Variants in SREK1IP1 observed in about 807,000 individuals in gnomAD.
The protein encoded by SREK1IP1 is protein SREK1IP1.
Under a neutral mutation model 22.8 loss-of-function variants are expected in SREK1IP1, and 12 were observed. The ratio of observed to expected loss-of-function variants is 0.53; its 90% CI spans 0.34 to 0.85. The LOEUF is 0.85. Ranked by LOEUF, SREK1IP1 falls within the 40% of genes least tolerant of loss-of-function variation. The pLI is 0.02. For synonymous variants in SREK1IP1, 53 were observed against 52.7 expected (o/e 1.01, Z -0.02); for missense variants, 147 against 171.8 (o/e 0.86, Z 0.81).
chr5:64,730,796 A>G (rs1017874941), intron 3 of SREK1IP1, among the ~76,000 whole-genome samples: 2 of 152,218 alleles, frequency 1.3e-5, no homozygotes, highest in Non-Finnish European at 2.9e-5. Flanking sequence ...TAGAAACACC[A>G]GTCTGCCTCT....
At chr5:64,741,690 A>C (rs1422100573) in intron 2 of SREK1IP1, among the ~76,000 whole-genome samples, 1 of 152,184 alleles carries the variant, frequency 6.6e-6, no homozygotes, top group Non-Finnish European at 1.5e-5. Flanking sequence ...GTGCTTTACT[A>C]AAGAATACCT....
At chr5:64,752,476 G>T (rs1742766049) in intron 2 of SREK1IP1, among the ~76,000 whole-genome samples, 1 of 151,924 alleles carries the variant, frequency 6.6e-6, no homozygotes, top group Admixed American at 6.5e-5. Context: ...AGTTAATTTT[G>T]CTAAGGAAAT....
At chr5:64,762,424 C>A (rs1742965865) in intron 1 of SREK1IP1, among the ~76,000 whole-genome samples, 1 of 152,086 alleles carries the variant, frequency 6.6e-6, no homozygotes, top group Non-Finnish European at 1.5e-5. Context: ...AAGACAATTT[C>A]AATTACTTCT....
chr5:64,724,975 T>G (rs923676991), intron 4 of SREK1IP1, among the ~76,000 whole-genome samples: 4 of 152,162 alleles, frequency 2.6e-5, no homozygotes, highest in Admixed American at 2.6e-4. Context: ...GTCTCAAAAG[T>G]TGCAATTCTC....
intron 1 of SREK1IP1, 131 bp from the exon 2 acceptor site, chr5:64,754,493 G>T (rs914279285): frequency 1.3e-6 from 1 of 770,642 alleles, no homozygotes. Context: ...GAGACAAGGT[G>T]TCACTCTGTC....
intron 3 of SREK1IP1, among the ~76,000 whole-genome samples, chr5:64,733,687 A>G (rs929091330): frequency 4.6e-5 from 7 of 152,166 alleles, no homozygotes; most frequent in African/African-American, 1.7e-4. Context: ...ACTTACGTTC[A>G]CCCAAATCCT....
At chr5:64,734,254 A>G (rs1336455998) in intron 3 of SREK1IP1, among the ~76,000 whole-genome samples, 1 of 152,108 alleles carries the variant, frequency 6.6e-6, no homozygotes, top group Admixed American at 6.5e-5. Context: ...CTATCTTTAC[A>G]TCGATACTAC....
intron 4 of SREK1IP1, 88 bp downstream of exon 4, chr5:64,728,019 T>G (rs1742304544): frequency 9.6e-7 from 1 of 1,045,064 alleles, no homozygotes; most frequent in African/African-American, 1.8e-5. Context: ...AATATTAAAT[T>G]AACTATTATA....
At chr5:64,768,246 T>C (rs1163901923) in intron 1 of SREK1IP1, among the ~76,000 whole-genome samples, 1 of 152,106 alleles carries the variant, frequency 6.6e-6, no homozygotes, top group African/African-American at 2.4e-5. Flanking sequence ...CTCTCCCTCC[T>C]CCCTCCCTTC....
At chr5:64,757,466 T>C (rs1742862832) in intron 1 of SREK1IP1, among the ~76,000 whole-genome samples, 1 of 152,212 alleles carries the variant, frequency 6.6e-6, no homozygotes, top group South Asian at 2.1e-4. Context: ...ATTGTTCTAA[T>C]GTAATTGATA....
chr5:64,736,758 A>G (rs1446786145), intron 3 of SREK1IP1, among the ~76,000 whole-genome samples: 1 of 152,002 alleles, frequency 6.6e-6, no homozygotes, highest in Non-Finnish European at 1.5e-5. Context: ...CCATCATGCC[A>G]GGCCAACACT....
intron 3 of SREK1IP1, among the ~76,000 whole-genome samples, chr5:64,734,395 T>C (rs748877888): frequency 1.3e-5 from 2 of 152,038 alleles, no homozygotes; most frequent in Non-Finnish European, 2.9e-5. Flanking sequence ...TACTTTAGAA[T>C]TGGCTTGTCA....
intron 1 of SREK1IP1, chr5:64,754,792 A>T (rs911361478): frequency 9.1e-5 from 14 of 154,694 alleles, no homozygotes; most frequent in Non-Finnish European, 7.2e-5. Flanking sequence ...AGCAACAACA[A>T]AAAATCATCT....
In SREK1IP1 at chr5:64,721,416, A is replaced by C. The variant is rs970611009; in HGVS notation, c.*2968T>G. 6.6e-6 allele frequency: 1 copy of C among 152,224 alleles called. No homozygotes were observed. The highest frequency in any genetic ancestry group is 6.5e-5 in the Admixed American group (1 of 15,286). 9.4% of individuals were successfully genotyped at this position (152,224 alleles called of 1,614,324 possible). A position where few individuals can be genotyped will look rare whatever the true frequency, so the allele number is the denominator to read the frequency against. The stretch of plus-strand genomic sequence containing the variant: ...TACTCTGAAGGTAAACTAGGGTTAT[A>C]TAATTTTAGATACAGTTGTAAATAC... On this transcript the variant is annotated 3_prime_UTR_variant, in exon 5 of 5. Coordinates refer to ENST00000513458, the MANE Select transcript of SREK1IP1 (RefSeq NM_173829.4).
intron 1 of SREK1IP1, among the ~76,000 whole-genome samples, chr5:64,761,441 T>C (rs1431789432): frequency 1.3e-5 from 2 of 152,220 alleles, no homozygotes; most frequent in Non-Finnish European, 2.9e-5. Flanking sequence ...GGCAACATCA[T>C]GGTGTACATA....
At chr5:64,727,553 A>ATATATTTTTTTTTT in intron 4 of SREK1IP1, 6 of 84,678 alleles carry the variant, frequency 7.1e-5, no homozygotes, top group African/African-American at 3.3e-4. Context: ...ATATATATAT[A>ATATATTTTTTTTTT]TTTTTTTTTT....
intron 3 of SREK1IP1, among the ~76,000 whole-genome samples, chr5:64,732,852 A>C (rs947541138): frequency 2.0e-5 from 3 of 152,048 alleles, no homozygotes; most frequent in Non-Finnish European, 2.9e-5. Context: ...AAGACACATT[A>C]ATCAATGAAA....
At position 64,720,997 on chromosome 5, in the gene SREK1IP1, C is replaced by T. The variant is rs558701957; in HGVS notation, c.*3387G>A. The T allele has an allele frequency of 5.2e-4, 79 of 152,340 alleles. No homozygotes were observed. Among genetic ancestry groups the T allele is most frequent in the African/African-American group, 1.7e-3 (71 of 41,576 alleles). The allele number at this position is 152,340 out of a possible 1,614,324, so 9.4% of individuals were successfully genotyped here. A position where few individuals can be genotyped will look rare whatever the true frequency, so the allele number is the denominator to read the frequency against. On this transcript the variant is annotated 3_prime_UTR_variant, in exon 5 of 5. Transcript: ENST00000513458. ...CTTGTAATTCTTGACAAACACATAA[C>T]ACAGCTTGTTCTACCTCTGGTGTTT...
At chr5:64,742,921 T>C (rs984210438) in intron 2 of SREK1IP1, among the ~76,000 whole-genome samples, 13 of 152,196 alleles carry the variant, frequency 8.5e-5, no homozygotes, top group Admixed American at 6.5e-4. Flanking sequence ...TCACTGTGAT[T>C]TCCTAACAAA....
Sources: gnomAD v4.1 joint callset for allele counts (sites outside exome capture counted in the v4.1 genomes callset) on GRCh38, gnomAD v4.1.1 for gene constraint, MANE v1.5 for transcripts, NCBI Gene and HGNC (gene_info 2026-07-23, HGNC 2026-07-21) for gene names.